The following WASHC3 variants were observed in gnomAD, a reference collection of about 807,000 sequenced individuals.
The protein encoded by WASHC3 is WASH complex subunit 3, also known as WASH complex subunit CCDC53.
WASHC3 carries 24 observed loss-of-function variants against 26.1 expected under a neutral mutation model. The ratio of observed to expected loss-of-function variants is 0.92; its 90% CI spans 0.66 to 1.29. WASHC3 has a LOEUF of 1.29. Ranked by LOEUF, WASHC3 falls within the 50% of genes most tolerant of loss-of-function variation. The probability of loss-of-function intolerance (pLI) is 0.00; values close to 1 mark genes in which losing one functional copy is unlikely to be tolerated. For synonymous variants in WASHC3, 77 were observed against 75.7 expected, an observed-to-expected ratio of 1.02 and a Z score of -0.09; for missense variants, 214 against 229.6, an observed-to-expected ratio of 0.93 and a Z score of 0.44.
intron 6 of WASHC3, among the ~76,000 whole-genome samples, chr12:102,025,112 A>G (rs1034163782): frequency 2.6e-5 from 4 of 152,206 alleles, no homozygotes; most frequent in African/African-American, 9.7e-5. Context: ...CAAAGTGTAC[A>G]CATTTTCTTG....
intron 2 of WASHC3, among the ~76,000 whole-genome samples, chr12:102,059,222 G>A (rs1594374887): frequency 6.6e-6 from 1 of 152,166 alleles, no homozygotes; most frequent in African/African-American, 2.4e-5. Context: ...AAGTAAGTAC[G>A]TGAGGCATTG....
At chr12:102,029,359 C>G (rs930438708) in intron 5 of WASHC3, among the ~76,000 whole-genome samples, 5 of 152,096 alleles carry the variant, frequency 3.3e-5, no homozygotes, top group Non-Finnish European at 5.9e-5. Flanking sequence ...ATGAAGAAGA[C>G]AGAAGGCAGC....
chr12:102,049,453 A>G lies in WASHC3; in HGVS notation c.151-3334T>C, dbSNP rs566762451. Among the ~76,000 whole-genome samples, 7 of 152,182 alleles carry G rather than the reference A, an allele frequency of 4.6e-5. No individual in the cohort carries two copies. The South Asian group carries it at 1.2e-3, about 27-fold the overall frequency. ...AGACTGAAAACAAACTTGAAATGCT[A>G]TGGTTTGGGATAACAGGGGAATTTA... On this transcript the variant is annotated intron_variant, in intron 2 of 6. Coordinates refer to ENST00000240079, the MANE Select transcript of WASHC3 (RefSeq NM_016053.4).
chr12:102,058,113 A>T (rs1878665571), intron 2 of WASHC3, among the ~76,000 whole-genome samples: 1 of 152,112 alleles, frequency 6.6e-6, no homozygotes, highest in Admixed American at 6.5e-5. Context: ...TTTGAGAAAG[A>T]TGTTAAGAAC....
chr12:102,050,658 G>GA (rs772432454), intron 2 of WASHC3: 95 of 419,362 alleles, frequency 2.3e-4, no homozygotes, highest in East Asian at 3.0e-4. Flanking sequence ...GAAAAGAAAA[G>GA]AAAAAAAAAT....
chr12:102,052,555 A>T (rs1467474494), intron 2 of WASHC3, among the ~76,000 whole-genome samples: 7 of 151,898 alleles, frequency 4.6e-5, no homozygotes, highest in Non-Finnish European at 1.0e-4. Flanking sequence ...GGGACAGGCC[A>T]GCCCCAGTGG....
At chr12:102,019,357 T>C in intron 6 of WASHC3, 1 of 376,818 alleles carries the variant, frequency 2.7e-6, no homozygotes. Flanking sequence ...TGATCATAAA[T>C]GTTCTTACTT....
intron 3 of WASHC3, among the ~76,000 whole-genome samples, chr12:102,045,710 A>C (rs1878133218): frequency 6.6e-6 from 1 of 152,268 alleles, no homozygotes; most frequent in Non-Finnish European, 1.5e-5. Flanking sequence ...AAAGATTTAT[A>C]TTAGTATTGT....
chr12:102,061,185 G>T, intron 2 of WASHC3, 63 bp downstream of exon 2: 1 of 1,046,870 alleles, frequency 9.6e-7, no homozygotes, highest in Non-Finnish European at 1.5e-6. Flanking sequence ...TACTCCATTT[G>T]TCAGTCTCAG....
intron 6 of WASHC3, among the ~76,000 whole-genome samples, chr12:102,018,511 T>C (rs746749920): frequency 5.9e-5 from 9 of 152,226 alleles, no homozygotes; most frequent in Non-Finnish European, 1.3e-4. Context: ...CTCATTCTGT[T>C]GCCCAGGCTG....
At chr12:102,038,548 T>C (rs1490932463) in intron 5 of WASHC3, among the ~76,000 whole-genome samples, 1 of 152,186 alleles carries the variant, frequency 6.6e-6, no homozygotes, top group Admixed American at 6.5e-5. Flanking sequence ...GTTGTTGTTG[T>C]TGTTTTTTAA....
At chr12:102,047,212 C>T (rs1392180783) in intron 2 of WASHC3, among the ~76,000 whole-genome samples, 1 of 152,086 alleles carries the variant, frequency 6.6e-6, no homozygotes, top group Non-Finnish European at 1.5e-5. Context: ...GAGCAGTTGC[C>T]CAGTTTACAA....
intron 3 of WASHC3, 96 bp from the exon 4 acceptor site, chr12:102,044,308 T>G (rs1878066333): frequency 4.2e-6 from 2 of 476,060 alleles, no homozygotes; most frequent in African/African-American, 2.0e-5. Flanking sequence ...GCTATACAAA[T>G]AGGTTCACAA....
chr12:102,037,904 T>A (rs979171959), intron 5 of WASHC3, among the ~76,000 whole-genome samples: 5 of 152,132 alleles, frequency 3.3e-5, no homozygotes, highest in African/African-American at 7.2e-5. Flanking sequence ...CAAGCGATTC[T>A]CCTGCCTCAG....
intron 5 of WASHC3, among the ~76,000 whole-genome samples, chr12:102,037,854 T>C (rs1877736852): frequency 6.6e-6 from 1 of 152,042 alleles, no homozygotes; most frequent in African/African-American, 2.4e-5. Flanking sequence ...TGGAGTACAA[T>C]GCGTGATCTT....
At chr12:102,045,663 A>C (rs976065782) in intron 3 of WASHC3, among the ~76,000 whole-genome samples, 2 of 152,244 alleles carry the variant, frequency 1.3e-5, no homozygotes, top group African/African-American at 4.8e-5. Context: ...AAATAGAAAC[A>C]GCTGATATTG....
At chr12:102,050,703 A>G in intron 2 of WASHC3, 1 of 407,742 alleles carries the variant, frequency 2.5e-6, no homozygotes, top group South Asian at 1.8e-5. Context: ...AAAGTAACAC[A>G]TTTGGCACTC....
intron 2 of WASHC3, among the ~76,000 whole-genome samples, chr12:102,051,155 A>C (rs1406132845): frequency 6.6e-6 from 1 of 152,238 alleles, no homozygotes; most frequent in Non-Finnish European, 1.5e-5. Context: ...TTCTGGCTTG[A>C]GGGTTTATCT....
chr12:102,033,126 C>T (rs796584289), intron 5 of WASHC3, among the ~76,000 whole-genome samples: 9 of 151,396 alleles, frequency 5.9e-5, no homozygotes, highest in African/African-American at 1.2e-4. Flanking sequence ...GCATTCCAGG[C>T]GATAGTTAGT....
Sources: allele counts gnomAD v4.1 joint callset (sites outside exome capture counted in the v4.1 genomes callset), GRCh38; gene constraint gnomAD v4.1.1; transcripts MANE v1.5; gene names NCBI Gene and HGNC (gene_info 2026-07-23, HGNC 2026-07-21).